Variants in GIPC1 observed in about 807,000 individuals in gnomAD.
GIPC1 encodes the protein PDZ domain-containing protein GIPC1.
GIPC1 carries 15 observed loss-of-function variants against 28.5 expected under a neutral mutation model. That is an observed-to-expected ratio of 0.53 (90% confidence interval 0.35 to 0.81). GIPC1 has a LOEUF of 0.81. GIPC1 is among the 30% of genes least tolerant of loss of function. The pLI, the probability that GIPC1 is intolerant of heterozygous loss-of-function variation, is 0.01. For synonymous variants in GIPC1, 224 were observed against 206.1 expected (o/e 1.09, Z -0.74); for missense variants, 439 against 481.9 (o/e 0.91, Z 0.83).
rs1020326455 is a variant in GIPC1 at position 14,489,333 on chromosome 19, G to A, written c.-31+2323C>T. The stretch of plus-strand genomic sequence containing the variant: ...GATGCTGGGCCTACCGCGGTAGCGT[G>A]AGGGAAGCCGTGCGTTCTGTTCCAA... On this transcript the variant is annotated intron_variant, in intron 3 of 8. Transcript: ENST00000393033. 9.0e-6 allele frequency: 7 copies of A among 775,012 alleles called. No homozygotes were observed. The African/African-American group carries it at 1.2e-4, about 13-fold the overall frequency. 48.0% of individuals were successfully genotyped at this position (775,012 alleles called of 1,614,324 possible).
chr19:14,480,258 C>T (rs376218792), intron 6 of GIPC1, 47 bp downstream of exon 6: 18 of 1,534,234 alleles, frequency 1.2e-5, no homozygotes, highest in South Asian at 1.0e-4. Context: ...ACCGCCTGCG[C>T]CCATGCGAGC....
rs369683900 is a variant in GIPC1 at position 14,479,396 on chromosome 19, C to T, written c.768+16G>A. ...GGGAAGGGATGCCGGAGATAGGGTCCGGCTGGAGCACTCACCAGATCCTCC... is the reference window on the plus strand; with the variant it reads ...GGGAAGGGATGCCGGAGATAGGGTCTGGCTGGAGCACTCACCAGATCCTCC... On this transcript the variant is annotated intron_variant, in intron 7 of 8. Transcript: ENST00000393033. 4.9e-5 allele frequency: 55 copies of T among 1,121,736 alleles called. No homozygotes were observed. Among genetic ancestry groups the T allele is most frequent in the African/African-American group, 1.5e-4 (9 of 61,006 alleles). 69.5% of individuals were successfully genotyped at this position (1,121,736 alleles called of 1,614,324 possible). A position where few individuals can be genotyped will look rare whatever the true frequency, so the allele number is the denominator to read the frequency against.
intron 4 of GIPC1, among the ~76,000 whole-genome samples, chr19:14,481,416 C>T (rs1029512461): frequency 9.2e-5 from 14 of 152,156 alleles, no homozygotes; most frequent in African/African-American, 3.4e-4. Context: ...GCTAGGATTT[C>T]GGTCCTAGCA....
intron 3 of GIPC1, 41 bp from the exon 4 acceptor site, chr19:14,483,047 C>A: frequency 7.1e-7 from 1 of 1,415,676 alleles, no homozygotes; most frequent in Non-Finnish European, 9.7e-7. Flanking sequence ...GGGCAGAGGC[C>A]TTGGGTGCCC....
intron 3 of GIPC1, among the ~76,000 whole-genome samples, chr19:14,489,025 A>G (rs1279423492): frequency 6.6e-6 from 1 of 151,938 alleles, no homozygotes; most frequent in Admixed American, 6.6e-5. Flanking sequence ...TCCTGGGCTC[A>G]AGCAATCCTC....
At chr19:14,487,047 A>G (rs1183544409) in intron 3 of GIPC1, among the ~76,000 whole-genome samples, 2 of 151,908 alleles carry the variant, frequency 1.3e-5, no homozygotes, top group Non-Finnish European at 2.9e-5. Flanking sequence ...CTTCAATAAA[A>G]AAAGCAAGAT....
intron 3 of GIPC1, chr19:14,489,380 T>A: frequency 2.5e-6 from 2 of 785,556 alleles, no homozygotes; most frequent in Non-Finnish European, 4.7e-6. Flanking sequence ...GCCCATGGAG[T>A]ATACACCATG....
intron 4 of GIPC1, chr19:14,482,385 G>C: frequency 3.9e-6 from 2 of 509,436 alleles, no homozygotes; most frequent in Admixed American, 3.5e-5. Context: ...TGCCTGATGG[G>C]ATGTCAGCAT....
intron 4 of GIPC1, among the ~76,000 whole-genome samples, chr19:14,481,171 T>C (rs759151132): frequency 3.3e-5 from 5 of 152,104 alleles, no homozygotes; most frequent in Non-Finnish European, 7.3e-5. Context: ...GGGGTCTCAC[T>C]ATGTTGCACA....
chr19:14,482,087 C>G (rs2071740975), intron 4 of GIPC1: 1 of 156,768 alleles, frequency 6.4e-6, no homozygotes, highest in African/African-American at 2.4e-5. Flanking sequence ...TGTAGAGGTG[C>G]AGGCCTCTCA....
chr19:14,482,857 C>G lies in GIPC1; in HGVS notation c.120G>C (p.Ser40=). 2 of 1,575,262 alleles carry G rather than the reference C, an allele frequency of 1.3e-6. No individual in the cohort carries two copies. The highest frequency in any genetic ancestry group is 1.7e-6 in the Non-Finnish European group (2 of 1,161,188). The change falls in exon 4 of 9, where the codon TCG becomes TCC. Residue 40 remains serine, a synonymous_variant. Transcript: ENST00000393033. Reference sequence around the variant, plus strand: ...GGGGCAAGCCCATTTGGGGGCCCCCCGACCCACCTCCGCCCAGAGGCCCTG... The same window carrying G: ...GGGGCAAGCCCATTTGGGGGCCCCCGGACCCACCTCCGCCCAGAGGCCCTG... The part of the protein sequence containing the change: ...GEPGPLGGGG[S]GGPQMGLPPP...
At chr19:14,492,330 G>A (rs369128397) in intron 2 of GIPC1, among the ~76,000 whole-genome samples, 1 of 150,348 alleles carries the variant, frequency 6.7e-6, no homozygotes, top group Admixed American at 6.6e-5. Context: ...TTTTTGAGAC[G>A]GAGTCTCGCT....
Position 14,480,502 on chromosome 19 carries a change from T to A in GIPC1, c.475-17A>T, listed in dbSNP as rs757791495. On this transcript the variant is annotated splice_polypyrimidine_tract_variant and intron_variant, in intron 5 of 8. Transcript: ENST00000393033. ...CTTGATGCGCTGCGGGGGCGGGGAG[T>A]CATCAGCCCTTGGGGCTCTGCCCTG... is the stretch of plus-strand genomic sequence containing the variant. 6.2e-7 allele frequency: 1 copy of A among 1,605,458 alleles called. No individual in the cohort carries two copies. Among genetic ancestry groups the A allele is most frequent in the South Asian group, 1.1e-5 (1 of 90,504 alleles).
At chr19:14,484,916 T>C (rs2146474194) in intron 3 of GIPC1, among the ~76,000 whole-genome samples, 1 of 151,772 alleles carries the variant, frequency 6.6e-6, no homozygotes, top group East Asian at 2.0e-4. Context: ...TCCCAGCACT[T>C]TGGGAGGCTG....
Position 14,478,234 on chromosome 19 carries a change from A to C in GIPC1, c.*182T>G. ...GCCGGGGACCCCGGCCAGACTGGGA[A>C]CCAGGGAGGGGATGGTACCGATTGG... On this transcript the variant is annotated 3_prime_UTR_variant, in exon 9 of 9. Transcript: ENST00000393033. This position sits in a 1 kb window ranked among gnomAD's most constrained non-coding sequence, Gnocchi z 5.2. The C allele has an allele frequency of 5.0e-6, 3 of 603,796 alleles. No individual in the cohort carries two copies. The highest frequency in any genetic ancestry group is 5.6e-6 in the Non-Finnish European group (2 of 355,860). The allele number at this position is 603,796 out of a possible 1,614,324, so 37.4% of individuals were successfully genotyped here.
chr19:14,488,576 A>G (rs1299738564), intron 3 of GIPC1, among the ~76,000 whole-genome samples: 2 of 152,112 alleles, frequency 1.3e-5, no homozygotes, highest in African/African-American at 4.8e-5. Flanking sequence ...ACATGGTGAA[A>G]CCCCGTCTCT....
At position 14,480,707 on chromosome 19, in the gene GIPC1, C is replaced by T. The variant is rs760303910; in HGVS notation, c.360G>A (p.Glu120=). The change falls in exon 5 of 9, where the codon GAG becomes GAA. Residue 120 remains glutamate (E), a synonymous_variant. Transcript: ENST00000393033. Reference sequence around the variant, plus strand: ...CCTTCACGTGGGCGAAGATGAAGTCCTCCAGCCCGATCTGGCCCCCCAGGA... The same window carrying T: ...CCTTCACGTGGGCGAAGATGAAGTCTTCCAGCCCGATCTGGCCCCCCAGGA... ...DKLLGGQIGL[E]DFIFAHVKGQ... 1.2e-6 allele frequency: 2 copies of T among 1,613,940 alleles called. No individual in the cohort carries two copies. The highest frequency in any genetic ancestry group is 8.5e-7 in the Non-Finnish European group (1 of 1,179,890).
Position 14,480,792 on chromosome 19 carries a change from A to C in GIPC1, c.289-14T>G. 1.3e-6 allele frequency: 2 copies of C among 1,592,922 alleles called. No homozygotes were observed. The highest frequency in any genetic ancestry group is 1.7e-6 in the Non-Finnish European group (2 of 1,163,850). On this transcript the variant is annotated splice_polypyrimidine_tract_variant and intron_variant, in intron 4 of 8. Transcript: ENST00000393033. Reference sequence around the variant, plus strand: ...GCAGAACATCACCTGCAGGGGTGGGAGACGCTGAAACCTCTTCCCCCTCCC... The same window carrying C: ...GCAGAACATCACCTGCAGGGGTGGGCGACGCTGAAACCTCTTCCCCCTCCC...
chr19:14,488,364 T>C (rs1285654415), intron 3 of GIPC1, among the ~76,000 whole-genome samples: 1 of 151,420 alleles, frequency 6.6e-6, no homozygotes, highest in East Asian at 2.0e-4. Context: ...GGTGGGAGAA[T>C]CACTTGAATG....
Sources: allele counts gnomAD v4.1 joint callset (sites outside exome capture counted in the v4.1 genomes callset), GRCh38; gene constraint gnomAD v4.1.1; non-coding constraint Gnocchi (gnomAD v3.1); transcripts MANE v1.5; gene names NCBI Gene and HGNC (gene_info 2026-07-23, HGNC 2026-07-21).